The following NEK1 variants were observed in gnomAD, a reference collection of about 807,000 sequenced individuals.
NEK1 encodes NIMA related kinase 1, also known as serine/threonine-protein kinase Nek1.
A neutral mutation model predicts 182.1 loss-of-function variants in NEK1; 137 were observed. The observed-to-expected ratio is 0.75, with a 90% CI of 0.65 to 0.87. The LOEUF (loss-of-function observed/expected upper bound fraction) is 0.87. Among genes scored for constraint, NEK1 ranks in the 40% least tolerant of loss-of-function variants. NEK1 has a pLI of 0.00. For missense variants in NEK1, 1,391 were observed against 1,494.4 expected (o/e 0.93, Z 1.14); for synonymous variants, 513 against 492.2 (o/e 1.04, Z -0.56).
chr4:169,398,192 A>G (rs1731028547), intron 35 of NEK1, among the ~76,000 whole-genome samples: 2 of 152,148 alleles, frequency 1.3e-5, no homozygotes, highest in Admixed American at 1.3e-4. Context: ...GAAAATGTTT[A>G]CCTTTTATAT....
At chr4:169,499,818 G>A (rs190601638) in intron 23 of NEK1, among the ~76,000 whole-genome samples, 27 of 152,344 alleles carry the variant, frequency 1.8e-4, no homozygotes, top group African/African-American at 4.1e-4. Flanking sequence ...CTACTGGGGG[G>A]TGCCTCCCAG....
rs146229194 is a variant in NEK1, at chr4:169,459,958, T to C, written c.2587+3285A>G. On this transcript the variant is annotated intron_variant, in intron 27 of 35. Transcript: ENST00000507142. ...GTGTAATAATAGTGGTTACATAGCATTATACATTTGTCAAAACCCAGGGCA... is the reference window on the plus strand; with the variant it reads ...GTGTAATAATAGTGGTTACATAGCACTATACATTTGTCAAAACCCAGGGCA... Among the ~76,000 whole-genome samples, 357 of 152,308 alleles carry C rather than the reference T, an allele frequency of 2.3e-3. 5 individuals are homozygous for C. Among genetic ancestry groups the C allele is most frequent in the Non-Finnish European group, 4.0e-3 (269 of 68,016 alleles).
At chr4:169,557,438 T>A (rs1208216501) in intron 16 of NEK1, among the ~76,000 whole-genome samples, 1 of 152,144 alleles carries the variant, frequency 6.6e-6, no homozygotes, top group Non-Finnish European at 1.5e-5. Context: ...AAGAAATCAA[T>A]AACCTCAAAT....
At chr4:169,531,512 A>G (rs1757674201) in intron 19 of NEK1, among the ~76,000 whole-genome samples, 2 of 151,404 alleles carry the variant, frequency 1.3e-5, no homozygotes, top group Admixed American at 6.6e-5. Context: ...ATATATATGT[A>G]TGTGTATATG....
At chr4:169,437,879 G>T (rs1039916514) in intron 28 of NEK1, among the ~76,000 whole-genome samples, 1 of 152,056 alleles carries the variant, frequency 6.6e-6, no homozygotes, top group Non-Finnish European at 1.5e-5. Flanking sequence ...GGTATGAAAC[G>T]GTTGGTGTTT....
At chr4:169,580,348 A>T (rs1286358905) in intron 11 of NEK1, among the ~76,000 whole-genome samples, 1 of 151,976 alleles carries the variant, frequency 6.6e-6, no homozygotes, top group Non-Finnish European at 1.5e-5. Context: ...AATACAAAAA[A>T]TTAGCTGGGC....
intron 13 of NEK1, 122 bp from the exon 14 acceptor site, chr4:169,562,013 A>AT: frequency 9.1e-7 from 1 of 1,101,084 alleles, no homozygotes; most frequent in Non-Finnish European, 1.3e-6. Flanking sequence ...AAAAAAAAAA[A>AT]GAAGTTATAG....
At chr4:169,597,706 G>A (rs1295289406) in intron 5 of NEK1, among the ~76,000 whole-genome samples, 4 of 151,784 alleles carry the variant, frequency 2.6e-5, no homozygotes, top group South Asian at 2.1e-4. Context: ...AGACTGAGGC[G>A]GGCAGATCAT....
rs1580336378 is a variant in NEK1, at chr4:169,508,814, C to G, written c.1704G>C (p.Arg568Ser). ...GCTTCCCTCCTCTTGAAGAGCTGGG[C>G]CTGCCTCCATACATAGCTGCCAGGT... ...LQNLAAMYGG[R>S]PSSSRGGKPR... is the part of the protein sequence containing the mutation. Residue 568 changes from arginine to serine, a missense_variant, in exon 20 of 36, where the codon AGG becomes AGC. Physicochemically the swap from Arg to Ser is moderately radical, Grantham distance 110. Coordinates refer to ENST00000507142, the MANE Select transcript of NEK1 (RefSeq NM_001199397.3). The G allele has an allele frequency of 2.5e-6, 4 of 1,591,576 alleles. No individual in the cohort carries two copies. In the South Asian group the frequency reaches 4.5e-5, roughly 18 times the overall value.
intron 12 of NEK1, among the ~76,000 whole-genome samples, chr4:169,574,694 C>T (rs1765419760): frequency 6.6e-6 from 1 of 151,336 alleles, no homozygotes; most frequent in Non-Finnish European, 1.5e-5. Flanking sequence ...GTAGCAAAAG[C>T]ATCAAGGTAG....
chr4:169,611,184 A>G (rs1189530081), intron 2 of NEK1, among the ~76,000 whole-genome samples: 2 of 152,218 alleles, frequency 1.3e-5, no homozygotes, highest in Non-Finnish European at 2.9e-5. Flanking sequence ...TACAATGTCA[A>G]TGTACTATTC....
At chr4:169,408,397 C>T (rs1733011500) in intron 31 of NEK1, among the ~76,000 whole-genome samples, 1 of 152,162 alleles carries the variant, frequency 6.6e-6, no homozygotes, top group South Asian at 2.1e-4. Flanking sequence ...ACCTACTCCC[C>T]CATGGCTTTG....
intron 23 of NEK1, among the ~76,000 whole-genome samples, chr4:169,492,392 T>C (rs1009849777): frequency 3.3e-5 from 5 of 152,174 alleles, no homozygotes; most frequent in Admixed American, 3.3e-4. Context: ...AGCAAAAGTC[T>C]GGTTGATAGC....
chr4:169,467,512 A>T (rs1178279405), intron 26 of NEK1, among the ~76,000 whole-genome samples: 1 of 152,152 alleles, frequency 6.6e-6, no homozygotes, highest in Non-Finnish European at 1.5e-5. Context: ...AATAATAAAA[A>T]ATAACCCCAA....
intron 12 of NEK1, among the ~76,000 whole-genome samples, chr4:169,567,358 C>T (rs1763872346): frequency 6.6e-6 from 1 of 151,502 alleles, no homozygotes; most frequent in East Asian, 1.9e-4. Flanking sequence ...GCATTAAATA[C>T]TTTCACATTG....
intron 27 of NEK1, among the ~76,000 whole-genome samples, chr4:169,459,817 T>TTC (rs1326619016): frequency 6.6e-6 from 1 of 152,122 alleles, no homozygotes; most frequent in Non-Finnish European, 1.5e-5. Flanking sequence ...TTACATGACA[T>TTC]TCTGGAAAAG....
At chr4:169,456,325 A>G (rs988111439) in intron 27 of NEK1, among the ~76,000 whole-genome samples, 1 of 152,172 alleles carries the variant, frequency 6.6e-6, no homozygotes, top group African/African-American at 2.4e-5. Flanking sequence ...GCAAGAGCAA[A>G]GTAAGCCCAA....
rs530133990 is a variant in NEK1, at chr4:169,579,243, C to A, written c.868+1599G>T. 2.6e-5 allele frequency among the ~76,000 whole-genome samples: 4 copies of A among 152,328 alleles called. No homozygotes were observed. In the East Asian group the frequency reaches 7.7e-4, roughly 29 times the overall value. The stretch of plus-strand genomic sequence containing the variant: ...GTAATACTACTCCTATTAAGCATTT[C>A]ATTCAACCAAATGCTCTTACGACAA... On this transcript the variant is annotated intron_variant, in intron 11 of 35. Transcript: ENST00000507142.
intron 35 of NEK1, among the ~76,000 whole-genome samples, chr4:169,395,981 T>C (rs990656071): frequency 6.6e-6 from 1 of 152,218 alleles, no homozygotes; most frequent in Non-Finnish European, 1.5e-5. Flanking sequence ...AATTCATTCA[T>C]TTTAGCCGAT....
Sources: gnomAD v4.1 joint callset for allele counts (sites outside exome capture counted in the v4.1 genomes callset) on GRCh38, gnomAD v4.1.1 for gene constraint, MANE v1.5 for transcripts, NCBI Gene and HGNC (gene_info 2026-07-23, HGNC 2026-07-21) for gene names.